Variants in RAB27B observed in about 807,000 individuals in gnomAD.
The protein encoded by RAB27B is RAB27B, member RAS oncogene family.
A neutral mutation model predicts 24.6 loss-of-function variants in RAB27B; 15 were observed. That is an observed-to-expected ratio of 0.61 (90% CI 0.41 to 0.94). The LOEUF is 0.94. RAB27B is among the 40% of genes least tolerant of loss of function. The pLI is 0.00. For missense variants in RAB27B, 261 were observed against 266.8 expected (o/e 0.98, Z 0.15); for synonymous variants, 105 against 92.5 (o/e 1.14, Z -0.78).
At chr18:54,774,617 A>G (rs1908658434) in intron 2 of RAB27B, among the ~76,000 whole-genome samples, 2 of 152,252 alleles carry the variant, frequency 1.3e-5, no homozygotes, top group African/African-American at 2.4e-5. Context: ...TGCATTTTAG[A>G]GAGATAGCTA....
chr18:54,753,015 C>T (rs1042528915), intron 2 of RAB27B, among the ~76,000 whole-genome samples: 2 of 152,058 alleles, frequency 1.3e-5, no homozygotes, highest in Admixed American at 1.3e-4. Context: ...AGATGGAGGG[C>T]AGTGCTAGTG....
At chr18:54,841,528 G>T (rs975829727) in intron 1 of RAB27B, among the ~76,000 whole-genome samples, 1 of 152,170 alleles carries the variant, frequency 6.6e-6, no homozygotes, top group Non-Finnish European at 1.5e-5. Context: ...TATGTAAGTA[G>T]ATTGAGCTGG....
chr18:54,772,437 T>C (rs1908580483), intron 2 of RAB27B, among the ~76,000 whole-genome samples: 1 of 152,218 alleles, frequency 6.6e-6, no homozygotes. Flanking sequence ...GAGAATGTTG[T>C]GGTGGCTCAT....
chr18:54,723,410 A>G (rs1373217403), intron 2 of RAB27B, among the ~76,000 whole-genome samples: 2 of 152,220 alleles, frequency 1.3e-5, no homozygotes, highest in East Asian at 1.9e-4. Context: ...TCAAAAATTT[A>G]TCTATTATTC....
chr18:54,758,212 G>T (rs1908068925), intron 2 of RAB27B, among the ~76,000 whole-genome samples: 1 of 151,898 alleles, frequency 6.6e-6, no homozygotes, highest in Admixed American at 6.6e-5. Flanking sequence ...TCAATTCCCT[G>T]GTCATTTGAT....
intron 2 of RAB27B, among the ~76,000 whole-genome samples, chr18:54,756,130 A>C (rs553110899): frequency 6.6e-6 from 1 of 152,230 alleles, no homozygotes; most frequent in Non-Finnish European, 1.5e-5. Context: ...CTGAAAAAGT[A>C]TGAGGTGATA....
intron 3 of RAB27B, 55 bp from the exon 4 acceptor site, chr18:54,884,278 T>A (rs1033467565): frequency 9.5e-7 from 1 of 1,051,494 alleles, no homozygotes; most frequent in Admixed American, 1.8e-5. Flanking sequence ...ATTTGTGTTG[T>A]TGTCAAAGAT....
At chr18:54,790,194 A>G (rs1909206071) in intron 2 of RAB27B, among the ~76,000 whole-genome samples, 2 of 152,142 alleles carry the variant, frequency 1.3e-5, no homozygotes, top group South Asian at 4.1e-4. Context: ...CTAAACATTC[A>G]TCTCTACAAA....
At chr18:54,827,940 A>T (rs183918566), upstream of RAB27B, among the ~76,000 whole-genome samples, 59 of 152,320 alleles carry the variant, frequency 3.9e-4, no homozygotes, top group Admixed American at 1.5e-3. Context: ...TATCTTACTT[A>T]GTGGTAACCT....
At chr18:54,740,840 C>T (rs1021797410) in intron 2 of RAB27B, among the ~76,000 whole-genome samples, 12 of 151,798 alleles carry the variant, frequency 7.9e-5, no homozygotes, top group African/African-American at 1.2e-4. Context: ...GATGATAGAT[C>T]GATAGATAGA....
intron 3 of RAB27B, chr18:54,879,685 A>T (rs1262937692): frequency 6.3e-6 from 3 of 474,392 alleles, no homozygotes; most frequent in African/African-American, 5.8e-5. Flanking sequence ...CTCTCTGAAG[A>T]TTCTTGCTAT....
intron 2 of RAB27B, among the ~76,000 whole-genome samples, chr18:54,726,915 A>G (rs903491939): frequency 2.0e-5 from 3 of 152,224 alleles, no homozygotes; most frequent in African/African-American, 7.2e-5. Flanking sequence ...CTAAAAATCC[A>G]TGTTGACCTG....
chr18:54,846,560 G>C (rs1179562556), intron 1 of RAB27B, among the ~76,000 whole-genome samples: 1 of 152,198 alleles, frequency 6.6e-6, no homozygotes, highest in African/African-American at 2.4e-5. Context: ...AAGTCTAGAA[G>C]TAGAGAGAGT....
At chr18:54,783,192 C>T (rs777693064) in intron 2 of RAB27B, among the ~76,000 whole-genome samples, 78 of 152,112 alleles carry the variant, frequency 5.1e-4, no homozygotes, top group Non-Finnish European at 9.0e-4. Context: ...GTCTTGAACT[C>T]CTGACCTCAA....
chr18:54,756,729 T>C (rs936474241), intron 2 of RAB27B, among the ~76,000 whole-genome samples: 1 of 152,138 alleles, frequency 6.6e-6, no homozygotes, highest in Non-Finnish European at 1.5e-5. Context: ...TAAATGAATA[T>C]GGATGAATGG....
chr18:54,767,068 CAT>C (rs1390032742), intron 2 of RAB27B, among the ~76,000 whole-genome samples: 2 of 152,144 alleles, frequency 1.3e-5, no homozygotes, highest in African/African-American at 2.4e-5. Context: ...GTTCTAAACA[CAT>C]AGGGAAGAAG....
intron 1 of RAB27B, among the ~76,000 whole-genome samples, chr18:54,857,976 C>T (rs986513312): frequency 6.6e-6 from 1 of 152,092 alleles, no homozygotes; most frequent in African/African-American, 2.4e-5. Context: ...ATTTTAGATC[C>T]CAGGGAAAAT....
At chr18:54,756,217 A>G (rs1367102647) in intron 2 of RAB27B, among the ~76,000 whole-genome samples, 1 of 152,204 alleles carries the variant, frequency 6.6e-6, no homozygotes, top group Non-Finnish European at 1.5e-5. Flanking sequence ...TGAAGGAATT[A>G]CCCAAAAGTT....
In RAB27B at chr18:54,850,356, A is replaced by ATATATATATATATATATATATG. The variant is rs1304515980; in HGVS notation, c.-20+21660_-20+21661insTATATATATATATATATGTATA. ...AGGATATATATATATATATATATAT[A>ATATATATATATATATATATATG]TATACATACATACATATGTTTAGTT... On this transcript the variant is annotated intron_variant, in intron 1 of 5. Transcript: ENST00000262094. 7.0e-4 allele frequency among the ~76,000 whole-genome samples: 97 copies of ATATATATATATATATATATATG among 139,216 alleles called. 1 individual carries two copies. Among genetic ancestry groups the ATATATATATATATATATATATG allele is most frequent in the African/African-American group, 2.6e-3 (92 of 36,044 alleles). The allele number at this position is 139,216 out of a possible 152,430, so 91.3% of individuals were successfully genotyped here. A position where few individuals can be genotyped will look rare whatever the true frequency, so the allele number is the denominator to read the frequency against.
Sources: allele counts gnomAD v4.1 joint callset (sites outside exome capture counted in the v4.1 genomes callset), GRCh38; gene constraint gnomAD v4.1.1; transcripts MANE v1.5; gene names NCBI Gene and HGNC (gene_info 2026-07-23, HGNC 2026-07-21).